The following ALMS1 variants were observed in gnomAD, a reference collection of about 807,000 sequenced individuals.
ALMS1 encodes centrosome-associated protein ALMS1.
In ALMS1, 271 loss-of-function variants were observed where a neutral mutation model predicts 352.2. The ratio of observed to expected loss-of-function variants is 0.77; its 90% CI spans 0.70 to 0.85. ALMS1 has a LOEUF of 0.85. Ranked by LOEUF, ALMS1 falls within the 40% of genes least tolerant of loss-of-function variation. ALMS1 has a pLI of 0.00. For missense variants in ALMS1, 5,445 were observed against 4,870.7 expected (o/e 1.12, Z -3.51); for synonymous variants, 1,865 against 1,761.2 (o/e 1.06, Z -1.48).
At chr2:73,419,941 A>G (rs1369643965) in intron 3 of ALMS1, among the ~76,000 whole-genome samples, 1 of 152,236 alleles carries the variant, frequency 6.6e-6, no homozygotes, top group Non-Finnish European at 1.5e-5. Context: ...AACTTAATTC[A>G]GCAAGTTCTT....
At chr2:73,399,322 A>G (rs185754588) in intron 1 of ALMS1, among the ~76,000 whole-genome samples, 41 of 152,204 alleles carry the variant, frequency 2.7e-4, no homozygotes, top group Admixed American at 1.2e-3. Flanking sequence ...TTGTGTTGCT[A>G]TGAAGAAACA....
Position 73,490,757 on chromosome 2 carries a change from G to T in ALMS1, c.8798G>T (p.Cys2933Phe). The change falls in exon 10 of 23, where the codon TGC becomes TTC. Residue 2933 changes from cysteine (C) to phenylalanine (F), a missense_variant. By Grantham distance (205) the Cys-to-Phe change is radical. Coordinates refer to ENST00000613296, the MANE Select transcript of ALMS1 (RefSeq NM_001378454.1). ...FLEQRELFEQ[C>F]KAPYVDHQMR... ...GAACAACGAGAACTCTTTGAACAGT[G>T]CAAAGCCCCATATGTAGATCATCAA... 1 of 1,614,050 alleles carries T rather than the reference G, an allele frequency of 6.2e-7. No homozygotes were observed.
chr2:73,449,036 G>T lies in ALMS1; in HGVS notation c.2509G>T (p.Val837Phe). ...DSHLPEEALK[V>F]SAVSGPADGK... is the part of the protein sequence containing the mutation. Reference sequence around the variant, plus strand: ...CCATCTACCCGAAGAGGCTCTGAAAGTTTCAGCTGTTTCTGGACCAGCTGA... The same window carrying T: ...CCATCTACCCGAAGAGGCTCTGAAATTTTCAGCTGTTTCTGGACCAGCTGA... The change falls in exon 8 of 23, where the codon GTT (valine) becomes TTT (phenylalanine). Residue 837 changes from valine to phenylalanine, a missense_variant. By Grantham distance (50) the Val-to-Phe change is conservative. Coordinates refer to ENST00000613296, the MANE Select transcript of ALMS1 (RefSeq NM_001378454.1). 6.2e-7 allele frequency: 1 copy of T among 1,614,100 alleles called. No individual in the cohort carries two copies. The highest frequency in any genetic ancestry group is 8.5e-7 in the Non-Finnish European group (1 of 1,179,976).
In ALMS1 at chr2:73,451,583, G is replaced by A; in HGVS notation, c.5056G>A (p.Glu1686Lys). The change falls in exon 8 of 23, where the codon GAA becomes AAA. Residue 1686 changes from glutamate (E) to lysine (K), a missense_variant. Coordinates refer to ENST00000613296, the MANE Select transcript of ALMS1 (RefSeq NM_001378454.1). Reference sequence around the variant, plus strand: ...GACCCTATCAGACAGTCATTTACCTGAAGAAGCTCTGAAAGTTCCACCTGT... The same window carrying A: ...GACCCTATCAGACAGTCATTTACCTAAAGAAGCTCTGAAAGTTCCACCTGT... ...QQTLSDSHLP[E>K]EALKVPPVPG... The A allele has an allele frequency of 6.2e-7, 1 of 1,614,030 alleles. No individual in the cohort carries two copies. The highest frequency in any genetic ancestry group is 8.5e-7 in the Non-Finnish European group (1 of 1,179,982).
Position 73,385,922 on chromosome 2 carries a change from G to GGAGGAGGAGGAGGAGGAGGAGGAA in ALMS1, c.74_75insGGAAGAGGAGGAGGAGGAGGAGGA (p.Glu21_Glu28dup). On this transcript the variant is annotated inframe_insertion, in exon 1 of 23. Transcript: ENST00000613296. ...GCGAGCTGGAGGAGGAGGAGGAGGA[G>GGAGGAGGAGGAGGAGGAGGAGGAA]GAGGAGGAGGAGGAGGAGGAAGAGG... The GGAGGAGGAGGAGGAGGAGGAGGAA allele has an allele frequency of 2.1e-6, 2 of 959,184 alleles. No homozygotes were observed. Among genetic ancestry groups the GGAGGAGGAGGAGGAGGAGGAGGAA allele is most frequent in the Non-Finnish European group, 1.6e-6 (1 of 615,866 alleles). 59.4% of individuals were successfully genotyped at this position (959,184 alleles called of 1,614,324 possible).
chr2:73,480,410 A>AT (rs1672673722), intron 9 of ALMS1, among the ~76,000 whole-genome samples: 2 of 152,070 alleles, frequency 1.3e-5, no homozygotes, highest in Admixed American at 1.3e-4. Context: ...TGAACTCATC[A>AT]TTTTTTATGG....
intron 9 of ALMS1, among the ~76,000 whole-genome samples, chr2:73,477,771 T>C (rs1327277351): frequency 1.3e-5 from 2 of 152,166 alleles, no homozygotes; most frequent in African/African-American, 4.8e-5. Flanking sequence ...ATTTTTGGAT[T>C]GTGAATTGCT....
At chr2:73,457,081 T>G (rs1672081250) in intron 9 of ALMS1, 1 of 152,118 alleles carries the variant, frequency 6.6e-6, no homozygotes, top group Non-Finnish European at 1.5e-5. Flanking sequence ...TCTTTAATGG[T>G]CACAGCATAA....
intron 15 of ALMS1, among the ~76,000 whole-genome samples, chr2:73,569,580 C>CT (rs1377888998): frequency 6.6e-6 from 1 of 152,112 alleles, no homozygotes; most frequent in African/African-American, 2.4e-5. Context: ...CTCTTCATTT[C>CT]TTTTAAGAAT....
intron 16 of ALMS1, among the ~76,000 whole-genome samples, chr2:73,574,148 C>A (rs1006806559): frequency 1.3e-5 from 2 of 152,012 alleles, no homozygotes; most frequent in African/African-American, 2.4e-5. Flanking sequence ...GATAAGAGAC[C>A]TAAAATAAAT....
chr2:73,389,228 G>C (rs996016255), intron 1 of ALMS1, among the ~76,000 whole-genome samples: 2 of 152,016 alleles, frequency 1.3e-5, no homozygotes, highest in Non-Finnish European at 2.9e-5. Flanking sequence ...TTGGCCGCTC[G>C]TATGTCTTCT....
At chr2:73,589,414 A>G (rs868624576) in intron 16 of ALMS1, among the ~76,000 whole-genome samples, 8 of 152,306 alleles carry the variant, frequency 5.3e-5, no homozygotes, top group Non-Finnish European at 1.0e-4. Context: ...TTTAACTTCC[A>G]GTGCCAAGGG....
chr2:73,573,459 T>A (rs1034355955), intron 16 of ALMS1, 35 bp downstream of exon 16: 12 of 1,608,760 alleles, frequency 7.5e-6, no homozygotes, highest in African/African-American at 5.3e-5. Flanking sequence ...GCAATGTGAC[T>A]GCCCTCTTCA....
At chr2:73,599,338 T>C (rs1478099995) in intron 16 of ALMS1, 63 bp from the exon 17 acceptor site, 6 of 1,600,424 alleles carry the variant, frequency 3.7e-6, no homozygotes, top group East Asian at 2.2e-5. Context: ...GGCTTGCTTA[T>C]CCTGTGGATA....
Position 73,449,462 on chromosome 2 carries a change from C to T in ALMS1, c.2935C>T (p.Leu979=), listed in dbSNP as rs2103777030. 6.2e-7 allele frequency: 1 copy of T among 1,614,084 alleles called. No homozygotes were observed. Among genetic ancestry groups the T allele is most frequent in the Non-Finnish European group, 8.5e-7 (1 of 1,179,986 alleles). Residue 979 remains leucine, a synonymous_variant, in exon 8 of 23, where the codon CTG becomes TTG. Coordinates refer to ENST00000613296, the MANE Select transcript of ALMS1 (RefSeq NM_001378454.1). ...LPDSDLPRES[L]KMSAIPGLTD... ...AGACAGTGATCTACCTAGAGAATCT[C>T]TGAAAATGTCTGCTATTCCTGGACT...
chr2:73,564,044 G>A (rs1039787114), intron 15 of ALMS1, among the ~76,000 whole-genome samples: 2 of 150,796 alleles, frequency 1.3e-5, no homozygotes, highest in Non-Finnish European at 2.9e-5. Context: ...GTGTGTGGCT[G>A]TGTGTGTGTG....
intron 7 of ALMS1, among the ~76,000 whole-genome samples, chr2:73,436,058 C>G (rs1455259298): frequency 1.3e-5 from 2 of 152,116 alleles, no homozygotes; most frequent in African/African-American, 4.8e-5. Flanking sequence ...TTGGAACTTC[C>G]TATGTTATTT....
Position 73,424,677 on chromosome 2 carries a change from C to A in ALMS1, c.1012C>A (p.Arg338Ser). Residue 338 changes from arginine to serine, a missense_variant, in exon 5 of 23, where the codon CGT (arginine) becomes AGT (serine). Arg to Ser is a moderately radical substitution (Grantham distance 110, BLOSUM62 -1). Transcript: ENST00000613296. ...ACTGAAAATTCCCAAAGACTGTGATCGTTATGATGATCTTTGTTCATATAT... is the reference window on the plus strand; with the variant it reads ...ACTGAAAATTCCCAAAGACTGTGATAGTTATGATGATCTTTGTTCATATAT... ...DELKIPKDCD[R>S]YDDLCSYMSW... The A allele has an allele frequency of 6.2e-7, 1 of 1,613,976 alleles. No homozygotes were observed. Among genetic ancestry groups the A allele is most frequent in the Non-Finnish European group, 8.5e-7 (1 of 1,180,000 alleles).
chr2:73,386,306 C>T (rs1318006410), intron 1 of ALMS1, 114 bp downstream of exon 1: 3 of 1,376,182 alleles, frequency 2.2e-6, no homozygotes, highest in African/African-American at 3.0e-5. Flanking sequence ...ACGCGCGCAG[C>T]TGAGGCTAGT....
Sources: gnomAD v4.1 joint callset for allele counts (sites outside exome capture counted in the v4.1 genomes callset) on GRCh38, gnomAD v4.1.1 for gene constraint, MANE v1.5 for transcripts, NCBI Gene and HGNC (gene_info 2026-07-23, HGNC 2026-07-21) for gene names.